RNGTT: variants seen among roughly 807,000 people sequenced by gnomAD.
The protein encoded by RNGTT is RNA guanylyltransferase and 5'-phosphatase, also known as mRNA-capping enzyme.
In RNGTT, 33 loss-of-function variants were observed where a neutral mutation model predicts 79.3. The ratio of observed to expected loss-of-function variants is 0.42; its 90% CI spans 0.32 to 0.56. RNGTT has a LOEUF of 0.56. Ranked by LOEUF, RNGTT falls within the 20% of genes least tolerant of loss-of-function variation. RNGTT has a pLI of 0.17. For synonymous variants in RNGTT, 222 were observed against 235.9 expected, an observed-to-expected ratio of 0.94 and a Z score of 0.54; for missense variants, 497 against 739.1, an observed-to-expected ratio of 0.67 and a Z score of 3.80.
intron 4 of RNGTT, among the ~76,000 whole-genome samples, chr6:88,927,524 T>C (rs1784360418): frequency 6.6e-6 from 1 of 152,016 alleles, no homozygotes; most frequent in Non-Finnish European, 1.5e-5. Context: ...TAGCCGGGCA[T>C]GGTGGCACAT....
At chr6:88,836,419 G>A (rs916730704) in intron 11 of RNGTT, among the ~76,000 whole-genome samples, 2 of 151,700 alleles carry the variant, frequency 1.3e-5, no homozygotes, top group South Asian at 2.1e-4. Context: ...AACCAAAACC[G>A]CAAAACCCTT....
In RNGTT at chr6:88,843,071, T is replaced by TCAAAA. The variant is rs144896836; in HGVS notation, c.1269+1281_1269+1285dup. The stretch of plus-strand genomic sequence containing the variant: ...GGCTGAGCAAGAGTGAGACCCTGCC[T>TCAAAA]CAAAACAAAACAAAACAAAACAAAA... On this transcript the variant is annotated intron_variant, in intron 11 of 15. Coordinates refer to ENST00000369485, the MANE Select transcript of RNGTT (RefSeq NM_003800.5). 9.2e-3 allele frequency among the ~76,000 whole-genome samples: 1,333 copies of TCAAAA among 145,358 alleles called. 11 individuals are homozygous for TCAAAA. The highest frequency in any genetic ancestry group is 0.022 in the African/African-American group (863 of 38,380).
rs115112314 is a variant in RNGTT at position 88,934,129 on chromosome 6, G to T, written c.175-4862C>A. 3.1e-3 allele frequency among the ~76,000 whole-genome samples: 477 copies of T among 152,122 alleles called. 3 individuals are homozygous for T. The highest frequency in any genetic ancestry group is 9.3e-3 in the African/African-American group (387 of 41,508). On this transcript the variant is annotated intron_variant, in intron 2 of 15. Transcript: ENST00000369485. Reference sequence around the variant, plus strand: ...ACCACTGTAACTTCAATCTTCTGGGGTTAAGGGATCCCTCCACCTCAGTCT... The same window carrying T: ...ACCACTGTAACTTCAATCTTCTGGGTTTAAGGGATCCCTCCACCTCAGTCT...
intron 14 of RNGTT, among the ~76,000 whole-genome samples, chr6:88,669,899 C>A (rs73752995): frequency 3.3e-5 from 5 of 152,220 alleles, no homozygotes; most frequent in Admixed American, 6.5e-5. Context: ...GGCCTGCCAA[C>A]TGGGCACAAG....
At chr6:88,846,495 C>T (rs1448972574) in intron 10 of RNGTT, among the ~76,000 whole-genome samples, 1 of 152,146 alleles carries the variant, frequency 6.6e-6, no homozygotes, top group Non-Finnish European at 1.5e-5. Context: ...CACCTGTAAA[C>T]CCAGCACTTT....
intron 13 of RNGTT, among the ~76,000 whole-genome samples, chr6:88,716,151 G>A (rs1776503761): frequency 1.3e-5 from 2 of 151,962 alleles, no homozygotes; most frequent in South Asian, 4.2e-4. Context: ...CAAAAAGTGG[G>A]CAAAGGATAT....
At chr6:88,877,259 T>A (rs1782547205) in intron 8 of RNGTT, among the ~76,000 whole-genome samples, 1 of 152,190 alleles carries the variant, frequency 6.6e-6, no homozygotes. Context: ...TTGAGTGCTG[T>A]ATAATAAGCA....
At chr6:88,850,123 G>A (rs1395759234) in intron 9 of RNGTT, among the ~76,000 whole-genome samples, 2 of 151,706 alleles carry the variant, frequency 1.3e-5, no homozygotes, top group Non-Finnish European at 3.0e-5. Context: ...GACAATTAAG[G>A]GTAGGAAGAC....
chr6:88,942,142 A>T (rs1480585573), intron 1 of RNGTT, among the ~76,000 whole-genome samples: 1 of 151,810 alleles, frequency 6.6e-6, no homozygotes, highest in Non-Finnish European at 1.5e-5. Flanking sequence ...AACTTTCTCC[A>T]ACCTGATACT....
intron 5 of RNGTT, among the ~76,000 whole-genome samples, chr6:88,905,210 G>A (rs1783612794): frequency 6.6e-6 from 1 of 152,160 alleles, no homozygotes; most frequent in South Asian, 2.1e-4. Flanking sequence ...TAGAGACCTA[G>A]ATAGGGTCTG....
At chr6:88,662,713 C>G (rs999476505) in intron 14 of RNGTT, among the ~76,000 whole-genome samples, 2 of 152,240 alleles carry the variant, frequency 1.3e-5, no homozygotes, top group Non-Finnish European at 2.9e-5. Context: ...TTAAGCAAAG[C>G]AGATCCTGGG....
At chr6:88,734,593 A>G (rs1777223305) in intron 13 of RNGTT, among the ~76,000 whole-genome samples, 2 of 152,200 alleles carry the variant, frequency 1.3e-5, no homozygotes, top group Non-Finnish European at 2.9e-5. Flanking sequence ...CATTTTAGAC[A>G]TAAAGATGCA....
At chr6:88,806,498 G>A (rs1779959947) in intron 11 of RNGTT, among the ~76,000 whole-genome samples, 1 of 151,938 alleles carries the variant, frequency 6.6e-6, no homozygotes. Flanking sequence ...TGTCTTTTTA[G>A]TAGAGAGGGG....
At chr6:88,613,697 A>G (rs770889977) in intron 15 of RNGTT, among the ~76,000 whole-genome samples, 2 of 152,224 alleles carry the variant, frequency 1.3e-5, no homozygotes, top group Admixed American at 6.5e-5. Context: ...AACAACTGCT[A>G]CTGGTAGTGG....
rs1772039744 is a variant in RNGTT, at chr6:88,611,866, AC to A, written c.*852del. On this transcript the variant is annotated 3_prime_UTR_variant, in exon 16 of 16. Transcript: ENST00000369485. ...AGATCACAGTGAGTTGTGTGTTTTA[AC>A]GTAATTTACAATGTGCTGATACCAC... The A allele has an allele frequency of 6.6e-6, 1 of 152,628 alleles. No homozygotes were observed. 9.5% of individuals were successfully genotyped at this position (152,628 alleles called of 1,614,324 possible). A position where few individuals can be genotyped will look rare whatever the true frequency, so the allele number is the denominator to read the frequency against.
Position 88,625,606 on chromosome 6 carries a change from G to A in RNGTT, c.1507-11211C>T, listed in dbSNP as rs1225320856. ...TATTACAAAGGGGTTGTCATGTGGG[G>A]CTCTTTTTTAATGGCGGTGGTGGGG... On this transcript the variant is annotated intron_variant, in intron 14 of 15. Coordinates refer to ENST00000369485, the MANE Select transcript of RNGTT (RefSeq NM_003800.5). Among the ~76,000 whole-genome samples the A allele has an allele frequency of 2.0e-5, 3 of 151,756 alleles. No individual in the cohort carries two copies. In the South Asian group the frequency reaches 6.2e-4, roughly 31 times the overall value.
chr6:88,874,285 G>C (rs1582568680), intron 8 of RNGTT, among the ~76,000 whole-genome samples: 1 of 152,032 alleles, frequency 6.6e-6, no homozygotes. Context: ...GATTTACCTT[G>C]ATATGGAATA....
rs1783081955 is a variant in RNGTT at position 88,892,461 on chromosome 6, T to C, written c.685-546A>G. 3.9e-5 allele frequency among the ~76,000 whole-genome samples: 6 copies of C among 151,998 alleles called. No homozygotes were observed. The South Asian group carries it at 1.2e-3, about 32-fold the overall frequency. On this transcript the variant is annotated intron_variant, in intron 6 of 15. Transcript: ENST00000369485. ...CTATCTTTGTAAACCAGAGTAAGAG[T>C]GTAGGCAAAGTGGCTAAGCCACAGT...
intron 11 of RNGTT, among the ~76,000 whole-genome samples, chr6:88,842,900 C>T (rs368445040): frequency 2.6e-5 from 4 of 151,790 alleles, no homozygotes; most frequent in African/African-American, 7.3e-5. Context: ...AGGGAAACCT[C>T]GTCTCTAGAA....
Sources: allele counts gnomAD v4.1 joint callset (sites outside exome capture counted in the v4.1 genomes callset), GRCh38; gene constraint gnomAD v4.1.1; transcripts MANE v1.5; gene names NCBI Gene and HGNC (gene_info 2026-07-23, HGNC 2026-07-21).